The following CPSF2 variants were observed in gnomAD, a reference collection of about 807,000 sequenced individuals.
CPSF2 encodes cleavage and polyadenylation specificity factor subunit 2.
Under a neutral mutation model 84.2 loss-of-function variants are expected in CPSF2, and 51 were observed. The observed-to-expected ratio is 0.61, with a 90% CI of 0.48 to 0.77. The LOEUF (loss-of-function observed/expected upper bound fraction) is 0.77, where lower values mean the gene tolerates loss of function less well. Ranked by LOEUF, CPSF2 falls within the 30% of genes least tolerant of loss-of-function variation. The pLI, the probability that CPSF2 is intolerant of heterozygous loss-of-function variation, is 0.00. For missense variants in CPSF2, 641 were observed against 929.4 expected (o/e 0.69, Z 4.03); for synonymous variants, 286 against 311.9 (o/e 0.92, Z 0.87).
chr14:92,123,429 G>A (rs956502490), intron 1 of CPSF2, among the ~76,000 whole-genome samples: 3 of 151,700 alleles, frequency 2.0e-5, no homozygotes, highest in East Asian at 3.9e-4. Context: ...ACCGGGTCTC[G>A]CTCTGTCCAC....
Position 92,139,592 on chromosome 14 carries a change from G to A in CPSF2, c.661+1245G>A, listed in dbSNP as rs12883450. Among the ~76,000 whole-genome samples, 446 of 146,242 alleles carry A rather than the reference G, an allele frequency of 3.0e-3. 4 individuals are homozygous for A. Among genetic ancestry groups the A allele is most frequent in the Middle Eastern group, 7.1e-3 (2 of 280 alleles). ...CTTGCTCTGTTGCCCAGGCTGGAGT[G>A]CAGTGGCACAGTCTCGGCTCACTGC... On this transcript the variant is annotated intron_variant, in intron 7 of 15. Transcript: ENST00000298875.
At chr14:92,132,120 G>A (rs1178784234) in intron 3 of CPSF2, among the ~76,000 whole-genome samples, 1 of 151,870 alleles carries the variant, frequency 6.6e-6, no homozygotes, top group Non-Finnish European at 1.5e-5. Flanking sequence ...AATAATTTCT[G>A]AAATTCTTCT....
chr14:92,157,045 G>C lies in CPSF2; in HGVS notation c.1595+414G>C, dbSNP rs1232783411. 3.9e-5 allele frequency among the ~76,000 whole-genome samples: 6 copies of C among 152,126 alleles called. No homozygotes were observed. The South Asian group carries it at 1.0e-3, about 26-fold the overall frequency. On this transcript the variant is annotated intron_variant, in intron 12 of 15. Transcript: ENST00000298875. This position sits in a 1 kb window ranked among gnomAD's most constrained non-coding sequence, Gnocchi z 4.0. The stretch of plus-strand genomic sequence containing the variant: ...AAGACCCTAATGTCTGGAAAATACT[G>C]TTGTGATCTGAAGTAGTTAGAAACC...
intron 2 of CPSF2, 108 bp from the exon 3 acceptor site, chr14:92,130,843 A>C (rs1465190937): frequency 4.4e-6 from 3 of 689,264 alleles, no homozygotes; most frequent in Non-Finnish European, 6.7e-6. Flanking sequence ...TTTCGTGTTA[A>C]TGGAATTTCT....
At position 92,133,381 on chromosome 14, in the gene CPSF2, T is replaced by C. The variant is rs1209796039; in HGVS notation, c.150-630T>C. Among the ~76,000 whole-genome samples, 3 of 147,586 alleles carry C rather than the reference T, an allele frequency of 2.0e-5. No homozygotes were observed. In the East Asian group the frequency reaches 6.1e-4, roughly 30 times the overall value. On this transcript the variant is annotated intron_variant, in intron 3 of 15. Coordinates refer to ENST00000298875, the MANE Select transcript of CPSF2 (RefSeq NM_017437.3). Reference sequence around the variant, plus strand: ...TTGTGGTGAGCCGGAGATTGCGTCATTGCACTCCAGCCTGGGCAACAAGAG... The same window carrying C: ...TTGTGGTGAGCCGGAGATTGCGTCACTGCACTCCAGCCTGGGCAACAAGAG...
At chr14:92,144,260 G>C (rs138798473) in intron 9 of CPSF2, among the ~76,000 whole-genome samples, 1 of 152,258 alleles carries the variant, frequency 6.6e-6, no homozygotes, top group Non-Finnish European at 1.5e-5. Context: ...CCATGTGTAT[G>C]ATCTGTCTGG....
At chr14:92,122,880 G>A (rs1345684222) in intron 1 of CPSF2, among the ~76,000 whole-genome samples, 1 of 149,998 alleles carries the variant, frequency 6.7e-6, no homozygotes, top group Non-Finnish European at 1.5e-5. Context: ...ATAAAGACGG[G>A]GTTTCACTAT....
At chr14:92,122,487 C>T (rs2068784541) in intron 1 of CPSF2, 1 of 158,262 alleles carries the variant, frequency 6.3e-6, no homozygotes, top group Admixed American at 6.1e-5. Flanking sequence ...TCTTAGCCTC[C>T]CCTGCTCGGG....
chr14:92,154,798 A>G (rs1371358014), intron 10 of CPSF2, among the ~76,000 whole-genome samples: 1 of 152,214 alleles, frequency 6.6e-6, no homozygotes, highest in African/African-American at 2.4e-5. Flanking sequence ...GGTATAGCCT[A>G]CTGTGTATCC....
intron 6 of CPSF2, among the ~76,000 whole-genome samples, chr14:92,136,149 A>G (rs1175908198): frequency 6.6e-6 from 1 of 152,230 alleles, no homozygotes; most frequent in Non-Finnish European, 1.5e-5. Context: ...GCATTACTAT[A>G]TAATATTTTG....
intron 9 of CPSF2, among the ~76,000 whole-genome samples, chr14:92,151,749 G>A (rs913374908): frequency 1.3e-5 from 2 of 152,006 alleles, no homozygotes; most frequent in African/African-American, 4.8e-5. Context: ...ATAGAATAAT[G>A]CTATAGGCCA....
chr14:92,133,095 GAAAA>G (rs1277869695), intron 3 of CPSF2, among the ~76,000 whole-genome samples: 1 of 144,926 alleles, frequency 6.9e-6, no homozygotes, highest in African/African-American at 2.6e-5. Context: ...ATCTCCAAAA[GAAAA>G]AAAATAGTAT....
chr14:92,144,674 T>C (rs1451314611), intron 9 of CPSF2, among the ~76,000 whole-genome samples: 2 of 152,250 alleles, frequency 1.3e-5, no homozygotes, highest in African/African-American at 4.8e-5. Flanking sequence ...AGCAGCTTTA[T>C]GTTTCTGAAG....
At chr14:92,145,326 T>C (rs1201526555) in intron 9 of CPSF2, among the ~76,000 whole-genome samples, 1 of 151,812 alleles carries the variant, frequency 6.6e-6, no homozygotes, top group Non-Finnish European at 1.5e-5. Context: ...CTCAAACTCT[T>C]AGGCTCAAGC....
In CPSF2 at chr14:92,157,906, A is replaced by G. The variant is rs1370918637; in HGVS notation, c.1821+22A>G. 1.3e-6 allele frequency: 2 copies of G among 1,530,500 alleles called. No individual in the cohort carries two copies. Among genetic ancestry groups the G allele is most frequent in the Non-Finnish European group, 1.8e-6 (2 of 1,104,088 alleles). 94.8% of individuals were successfully genotyped at this position (1,530,500 alleles called of 1,614,324 possible). ...CCAGGTAAACATGCCAGGAGTTGCC[A>G]TTGAGTAGAAATAAGTACTTTTTGT... On this transcript the variant is annotated intron_variant, in intron 13 of 15. Coordinates refer to ENST00000298875, the MANE Select transcript of CPSF2 (RefSeq NM_017437.3). The surrounding 1 kb of genome is among the most constrained non-coding windows in gnomAD (Gnocchi z 4.0).
chr14:92,123,923 G>T (rs1427066675), intron 1 of CPSF2, among the ~76,000 whole-genome samples: 2 of 152,172 alleles, frequency 1.3e-5, no homozygotes, highest in Non-Finnish European at 2.9e-5. Flanking sequence ...AATACTTTAT[G>T]TGCCTCCTTT....
At chr14:92,161,033 A>G in intron 14 of CPSF2, 79 bp from the exon 15 acceptor site, 9 of 1,286,946 alleles carry the variant, frequency 7.0e-6, no homozygotes, top group Non-Finnish European at 9.8e-6. Context: ...GAGATAATGT[A>G]GTATTTTACT....
Position 92,158,018 on chromosome 14 carries a change from A to T in CPSF2, c.1821+134A>T, listed in dbSNP as rs141299423. The stretch of plus-strand genomic sequence containing the variant: ...CCTGCCCTAGCAGACCTCATAGGGT[A>T]TGGGGCTTAGAACAAGGAAATACCA... On this transcript the variant is annotated intron_variant, in intron 13 of 15. Transcript: ENST00000298875. 3,515 of 645,558 alleles carry T rather than the reference A, an allele frequency of 5.4e-3. 18 individuals are homozygous for T. Among genetic ancestry groups the T allele is most frequent in the Non-Finnish European group, 7.4e-3 (2,686 of 361,186 alleles). The allele number at this position is 645,558 out of a possible 1,614,324, so 40.0% of individuals were successfully genotyped here.
In CPSF2 at chr14:92,137,294, C is replaced by T. The variant is rs12587784; in HGVS notation, c.546-938C>T. On this transcript the variant is annotated intron_variant, in intron 6 of 15. Transcript: ENST00000298875. Reference sequence around the variant, plus strand: ...GCACAATCACGGCTCACTGTAGTGTCGACCTCCCAGCTTCAAGCAATCTTC... The same window carrying T: ...GCACAATCACGGCTCACTGTAGTGTTGACCTCCCAGCTTCAAGCAATCTTC... 9.7e-3 allele frequency among the ~76,000 whole-genome samples: 1,476 copies of T among 152,156 alleles called. 62 individuals are homozygous for T. In the East Asian group the frequency reaches 0.13, roughly 13 times the overall value.
Sources: gnomAD v4.1 joint callset for allele counts (sites outside exome capture counted in the v4.1 genomes callset) on GRCh38, gnomAD v4.1.1 for gene constraint, Gnocchi (gnomAD v3.1) non-coding constraint, MANE v1.5 for transcripts, NCBI Gene and HGNC (gene_info 2026-07-23, HGNC 2026-07-21) for gene names.